The following EGFR variants were observed in gnomAD, a reference collection of about 807,000 sequenced individuals.
EGFR encodes the protein avian erythroblastic leukemia viral (v-erb-b) oncogene homolog.
In EGFR, 58 loss-of-function variants were observed where a neutral mutation model predicts 143.0. That is an observed-to-expected ratio of 0.41 (90% CI 0.33 to 0.50). The LOEUF is 0.50. Ranked by LOEUF, EGFR falls within the 20% of genes least tolerant of loss-of-function variation. The probability of loss-of-function intolerance (pLI) is 0.39; values close to 1 mark genes in which losing one functional copy is unlikely to be tolerated. For missense variants in EGFR, 1,307 were observed against 1,579.0 expected (o/e 0.83, Z 2.92); for synonymous variants, 613 against 594.4 (o/e 1.03, Z -0.45).
chr7:55,044,171 G>A (rs145877909), intron 1 of EGFR: 1 of 152,212 alleles, frequency 6.6e-6, no homozygotes, highest in East Asian at 1.9e-4. Flanking sequence ...ATGCCATTAG[G>A]TAAAGAAATC....
At chr7:55,167,237 A>G (rs1264161792) in intron 15 of EGFR, among the ~76,000 whole-genome samples, 1 of 113,938 alleles carries the variant, frequency 8.8e-6, no homozygotes, top group Non-Finnish European at 1.7e-5. Context: ...GGTGGTGAGG[A>G]GGTGGGAGTC....
chr7:55,097,901 C>G (rs1364178084), intron 1 of EGFR, among the ~76,000 whole-genome samples: 1 of 151,850 alleles, frequency 6.6e-6, no homozygotes, highest in Non-Finnish European at 1.5e-5. Context: ...CTTCTGTACT[C>G]TTGATCTTTC....
chr7:55,074,153 C>T (rs893846593), intron 1 of EGFR, among the ~76,000 whole-genome samples: 6 of 152,208 alleles, frequency 3.9e-5, no homozygotes, highest in Non-Finnish European at 7.3e-5. Context: ...CTAAGGTACA[C>T]GCTATTAACC....
rs78778575 is a variant in EGFR, at chr7:55,067,783, C to T, written c.88+48418C>T. Among the ~76,000 whole-genome samples the T allele has an allele frequency of 1.8e-3, 272 of 151,528 alleles. 16 individuals carry two copies. The highest frequency in any genetic ancestry group is 6.5e-3 in the African/African-American group (264 of 40,806). ...CAATCAAAGAAATTAACACATCCAA[C>T]CCACCCATAGTTGCCATTGTGTGTG... is the stretch of plus-strand genomic sequence containing the variant. On this transcript the variant is annotated intron_variant, in intron 1 of 27. Transcript: ENST00000275493.
intron 20 of EGFR, among the ~76,000 whole-genome samples, chr7:55,184,757 G>A (rs1005061102): frequency 2.4e-4 from 37 of 152,210 alleles, no homozygotes; most frequent in African/African-American, 8.4e-4. Context: ...TAGTTCACAA[G>A]AGAAACCTCA....
chr7:55,061,612 A>ATGTGTGTGTGTGTG (rs1205967063), intron 1 of EGFR, among the ~76,000 whole-genome samples: 16 of 126,262 alleles, frequency 1.3e-4, no homozygotes, highest in East Asian at 6.7e-4. Context: ...GTCTCCAGGG[A>ATGTGTGTGTGTGTG]TGTGTGTGTG....
Position 55,025,023 on chromosome 7 carries a change from G to A in EGFR, c.88+5658G>A, listed in dbSNP as rs566138118. Among the ~76,000 whole-genome samples, 12 of 152,298 alleles carry A rather than the reference G, an allele frequency of 7.9e-5. 1 individual carries two copies. In the South Asian group the frequency reaches 2.1e-3, roughly 26 times the overall value. On this transcript the variant is annotated intron_variant, in intron 1 of 27. Transcript: ENST00000275493. Reference sequence around the variant, plus strand: ...ATGTGCAGGGCATTACACAAGCAGTGCCAATAGCAGCAAAGTTCTTGAGAG... The same window carrying A: ...ATGTGCAGGGCATTACACAAGCAGTACCAATAGCAGCAAAGTTCTTGAGAG...
At chr7:55,091,945 CA>C (rs1791153232) in intron 1 of EGFR, among the ~76,000 whole-genome samples, 1 of 151,452 alleles carries the variant, frequency 6.6e-6, no homozygotes, top group Non-Finnish European at 1.5e-5. Context: ...TAAAGTTTGG[CA>C]AAATAATACA....
intron 10 of EGFR, chr7:55,157,053 T>C (rs1181256531): frequency 8.4e-7 from 1 of 1,188,898 alleles, no homozygotes; most frequent in African/African-American, 1.5e-5. Flanking sequence ...GTAAACACGC[T>C]TTCTCCCTCC....
At chr7:55,098,911 C>G (rs976580560) in intron 1 of EGFR, among the ~76,000 whole-genome samples, 1 of 152,118 alleles carries the variant, frequency 6.6e-6, no homozygotes, top group Non-Finnish European at 1.5e-5. Flanking sequence ...TCTGACTCCC[C>G]GAGTCTTCTG....
chr7:55,138,650 T>C (rs1018519489), intron 1 of EGFR, among the ~76,000 whole-genome samples: 5 of 152,250 alleles, frequency 3.3e-5, no homozygotes, highest in African/African-American at 1.2e-4. Context: ...TATGTTATGT[T>C]TCTGTTGCAT....
In EGFR at chr7:55,207,263, GAGCCCCTAC is replaced by G. The variant is rs368218939; in HGVS notation, c.*1650_*1658del. The G allele has an allele frequency of 4.8e-3, 1,127 of 233,050 alleles. 10 individuals carry two copies. The highest frequency in any genetic ancestry group is 0.024 in the African/African-American group (1,071 of 45,432). The allele number at this position is 233,050 out of a possible 1,614,324, so 14.4% of individuals were successfully genotyped here. A position where few individuals can be genotyped will look rare whatever the true frequency, so the allele number is the denominator to read the frequency against. On this transcript the variant is annotated 3_prime_UTR_variant, in exon 28 of 28. Transcript: ENST00000275493. ...TAATTTTTGACTCCCAGATCAGTCA[GAGCCCCTAC>G]AGCATTGTTAAGAAAGTATTTGATT... is the stretch of plus-strand genomic sequence containing the variant.
At chr7:55,158,699 G>C (rs1209578386) in intron 11 of EGFR, among the ~76,000 whole-genome samples, 4 of 152,170 alleles carry the variant, frequency 2.6e-5, no homozygotes, top group African/African-American at 9.7e-5. Context: ...TGAGAAGTCT[G>C]GTGATTCCAG....
intron 11 of EGFR, among the ~76,000 whole-genome samples, chr7:55,158,132 G>A (rs1785521044): frequency 6.6e-6 from 1 of 152,194 alleles, no homozygotes; most frequent in African/African-American, 2.4e-5. Flanking sequence ...GTCTAACCAT[G>A]TCTGTTCAGC....
chr7:55,190,333 C>T (rs1338991077), intron 20 of EGFR, among the ~76,000 whole-genome samples: 2 of 152,120 alleles, frequency 1.3e-5, no homozygotes, highest in South Asian at 2.1e-4. Context: ...GTCAGGCAAG[C>T]GTCTCTTTTC....
At chr7:55,031,936 G>A (rs1023873004) in intron 1 of EGFR, among the ~76,000 whole-genome samples, 1 of 152,160 alleles carries the variant, frequency 6.6e-6, no homozygotes, top group Non-Finnish European at 1.5e-5. Flanking sequence ...AGGTGACAAG[G>A]GAAGAGGTAG....
At chr7:55,128,260 A>G (rs894603390) in intron 1 of EGFR, among the ~76,000 whole-genome samples, 2 of 152,240 alleles carry the variant, frequency 1.3e-5, no homozygotes, top group African/African-American at 2.4e-5. Context: ...TTTGCGGTTC[A>G]TTTCTAATTG....
chr7:55,160,368 G>T (rs539838397), intron 12 of EGFR, 30 bp downstream of exon 12: 2 of 1,607,542 alleles, frequency 1.2e-6, no homozygotes, highest in Non-Finnish European at 1.7e-6. Context: ...TTAGTTTATG[G>T]AGTTGGTTCT....
At chr7:55,063,240 A>G (rs1203083699) in intron 1 of EGFR, among the ~76,000 whole-genome samples, 3 of 152,104 alleles carry the variant, frequency 2.0e-5, no homozygotes, top group Admixed American at 6.6e-5. Context: ...CTCCTCTCAC[A>G]TCTTTTTCTG....
Sources: gnomAD v4.1 joint callset for allele counts (sites outside exome capture counted in the v4.1 genomes callset) on GRCh38, gnomAD v4.1.1 for gene constraint, MANE v1.5 for transcripts, NCBI Gene and HGNC (gene_info 2026-07-23, HGNC 2026-07-21) for gene names.